PAK5: variants seen among roughly 807,000 people sequenced by gnomAD.
PAK5 encodes the protein serine/threonine-protein kinase PAK 5.
PAK5 carries 16 observed loss-of-function variants against 65.9 expected under a neutral mutation model. The observed-to-expected ratio is 0.24, with a 90% CI of 0.16 to 0.37. The LOEUF (loss-of-function observed/expected upper bound fraction) is 0.37. Ranked by LOEUF, PAK5 falls within the 10% of genes least tolerant of loss-of-function variation. PAK5 has a pLI of 1.00. For missense variants in PAK5, 785 were observed against 903.9 expected (o/e 0.87, Z 1.69); for synonymous variants, 371 against 354.9 (o/e 1.05, Z -0.51).
intron 3 of PAK5, among the ~76,000 whole-genome samples, chr20:9,614,938 G>C (rs979778026): frequency 6.6e-6 from 1 of 152,132 alleles, no homozygotes; most frequent in Non-Finnish European, 1.5e-5. Flanking sequence ...TTTTTAACTT[G>C]TTACTCTTAA....
At chr20:9,569,282 T>C (rs965553328) in intron 4 of PAK5, among the ~76,000 whole-genome samples, 1 of 152,160 alleles carries the variant, frequency 6.6e-6, no homozygotes, top group African/African-American at 2.4e-5. Context: ...GGGAGAGTGA[T>C]TAGACATCCA....
intron 1 of PAK5, among the ~76,000 whole-genome samples, chr20:9,746,650 C>T (rs2048511884): frequency 6.6e-6 from 1 of 152,070 alleles, no homozygotes; most frequent in South Asian, 2.1e-4. Flanking sequence ...TTATGAGCAC[C>T]TCAAATCTCA....
At chr20:9,653,508 A>G (rs1435653928) in intron 2 of PAK5, among the ~76,000 whole-genome samples, 3 of 152,100 alleles carry the variant, frequency 2.0e-5, no homozygotes, top group African/African-American at 4.8e-5. Context: ...ACATATCTCA[A>G]TCCTTATATA....
intron 1 of PAK5, among the ~76,000 whole-genome samples, chr20:9,787,041 T>C (rs1223932097): frequency 1.3e-5 from 2 of 152,186 alleles, no homozygotes; most frequent in Non-Finnish European, 2.9e-5. Flanking sequence ...GAAAAAATTA[T>C]TCTTCCTTAA....
intron 2 of PAK5, among the ~76,000 whole-genome samples, chr20:9,653,563 T>G (rs986923372): frequency 6.6e-6 from 1 of 152,154 alleles, no homozygotes; most frequent in Non-Finnish European, 1.5e-5. Flanking sequence ...GTTCTGAGAG[T>G]TCACTTTGCC....
intron 3 of PAK5, among the ~76,000 whole-genome samples, chr20:9,627,382 C>G (rs773540980): frequency 1.1e-4 from 16 of 152,198 alleles, no homozygotes; most frequent in Admixed American, 2.0e-4. Context: ...CTCACATGTC[C>G]TGCAAAGATG....
intron 6 of PAK5, 110 bp from the exon 7 acceptor site, chr20:9,557,844 C>A: frequency 8.2e-6 from 6 of 730,518 alleles, no homozygotes; most frequent in Non-Finnish European, 1.3e-5. Context: ...GTGCTCCAGC[C>A]CATATCTGAA....
At chr20:9,748,112 A>C (rs2048530135) in intron 1 of PAK5, among the ~76,000 whole-genome samples, 1 of 152,134 alleles carries the variant, frequency 6.6e-6, no homozygotes, top group Non-Finnish European at 1.5e-5. Flanking sequence ...TAAAATACCT[A>C]GGAATCCAAC....
At chr20:9,623,486 T>C (rs2046800118) in intron 3 of PAK5, among the ~76,000 whole-genome samples, 1 of 152,208 alleles carries the variant, frequency 6.6e-6, no homozygotes, top group Non-Finnish European at 1.5e-5. Flanking sequence ...GTTATGATAC[T>C]AAATATAAAT....
chr20:9,733,503 G>A (rs553497611), intron 1 of PAK5, among the ~76,000 whole-genome samples: 1 of 151,728 alleles, frequency 6.6e-6, no homozygotes, highest in African/African-American at 2.4e-5. Flanking sequence ...GGAGTGCAGT[G>A]GCACAATCTT....
intron 1 of PAK5, among the ~76,000 whole-genome samples, chr20:9,723,096 G>A (rs1262022561): frequency 2.6e-5 from 4 of 152,126 alleles, no homozygotes; most frequent in East Asian, 1.9e-4. Context: ...ATTGACGAGC[G>A]TGGAGCAGCG....
At chr20:9,757,293 C>T (rs2048646380) in intron 1 of PAK5, among the ~76,000 whole-genome samples, 1 of 152,146 alleles carries the variant, frequency 6.6e-6, no homozygotes, top group African/African-American at 2.4e-5. Flanking sequence ...TACAAGTCCT[C>T]ATAAACCTAA....
intron 1 of PAK5, among the ~76,000 whole-genome samples, chr20:9,768,824 A>AG (rs1204752867): frequency 3.3e-5 from 5 of 151,038 alleles, no homozygotes; most frequent in Admixed American, 6.6e-5. Context: ...AAAGAAAGAA[A>AG]AAAAAAAAAC....
intron 3 of PAK5, among the ~76,000 whole-genome samples, chr20:9,629,669 C>T (rs2046896575): frequency 6.6e-6 from 1 of 152,148 alleles, no homozygotes; most frequent in Admixed American, 6.5e-5. Flanking sequence ...GATTAGGGTC[C>T]TACCCTTGTG....
chr20:9,718,515 G>A (rs2048176675), intron 1 of PAK5, among the ~76,000 whole-genome samples: 1 of 151,828 alleles, frequency 6.6e-6, no homozygotes, highest in South Asian at 2.1e-4. Flanking sequence ...ATGGAGAATG[G>A]GCTCAAGACC....
intron 1 of PAK5, among the ~76,000 whole-genome samples, chr20:9,747,018 A>G (rs1443462946): frequency 2.6e-5 from 4 of 152,242 alleles, no homozygotes; most frequent in Non-Finnish European, 4.4e-5. Flanking sequence ...CACCGATCCC[A>G]CAGGAATACA....
chr20:9,699,299 C>T (rs2047908268), intron 2 of PAK5, among the ~76,000 whole-genome samples: 1 of 152,158 alleles, frequency 6.6e-6, no homozygotes, highest in Admixed American at 6.5e-5. Context: ...CCTTGTCTCA[C>T]TTTCTGCCCT....
At chr20:9,758,096 T>C (rs2048656536) in intron 1 of PAK5, among the ~76,000 whole-genome samples, 1 of 152,222 alleles carries the variant, frequency 6.6e-6, no homozygotes, top group African/African-American at 2.4e-5. Flanking sequence ...CAAGCTTTTT[T>C]ATACTTTCCT....
chr20:9,824,329 G>C (rs6141050), intron 1 of PAK5, among the ~76,000 whole-genome samples: 17,185 of 152,262 alleles, frequency 0.11, 1,176 homozygotes, highest in South Asian at 0.25. Flanking sequence ...CAAGGCAGGA[G>C]GATTGTTTAA....
Sources: allele counts gnomAD v4.1 joint callset (sites outside exome capture counted in the v4.1 genomes callset), GRCh38; gene constraint gnomAD v4.1.1; transcripts MANE v1.5; gene names NCBI Gene and HGNC (gene_info 2026-07-23, HGNC 2026-07-21).